ATP6V1H: variants seen among roughly 807,000 people sequenced by gnomAD.
ATP6V1H encodes ATPase H+ transporting V1 subunit H.
In ATP6V1H, 39 loss-of-function variants were observed where a neutral mutation model predicts 71.7. The ratio of observed to expected loss-of-function variants is 0.54; its 90% CI spans 0.42 to 0.71. ATP6V1H has a LOEUF of 0.71. Ranked by LOEUF, ATP6V1H falls within the 30% of genes least tolerant of loss-of-function variation. The pLI is 0.00. For synonymous variants in ATP6V1H, 192 were observed against 199.3 expected (o/e 0.96, Z 0.31); for missense variants, 509 against 594.9 (o/e 0.86, Z 1.50).
chr8:53,757,029 T>C (rs367726010), intron 11 of ATP6V1H, among the ~76,000 whole-genome samples: 37 of 152,246 alleles, frequency 2.4e-4, no homozygotes, highest in African/African-American at 8.4e-4. Context: ...GACAAGTGAC[T>C]TTCAGTGCTC....
At chr8:53,751,826 T>C (rs928165259) in intron 12 of ATP6V1H, among the ~76,000 whole-genome samples, 4 of 152,014 alleles carry the variant, frequency 2.6e-5, no homozygotes, top group Admixed American at 6.6e-5. Flanking sequence ...CATGCCACCA[T>C]GCTTGGCTAA....
Position 53,796,513 on chromosome 8 carries a change from T to TA in ATP6V1H, c.678-675dup, listed in dbSNP as rs10708370. On this transcript the variant is annotated intron_variant, in intron 8 of 13. Transcript: ENST00000359530. Reference sequence around the variant, plus strand: ...AGAATAGAGTTCAGAAATCATCAAATAAAAAAAAAAACAGAAATCATCAAA... The same window carrying TA: ...AGAATAGAGTTCAGAAATCATCAAATAAAAAAAAAAAACAGAAATCATCAAA... Among the ~76,000 whole-genome samples, 368 of 141,958 alleles carry TA rather than the reference T, an allele frequency of 2.6e-3. 3 individuals carry two copies. Among genetic ancestry groups the TA allele is most frequent in the Non-Finnish European group, 4.0e-3 (255 of 63,620 alleles). The allele number at this position is 141,958 out of a possible 152,430, so 93.1% of individuals were successfully genotyped here.
At chr8:53,776,100 C>A (rs1023532158) in intron 9 of ATP6V1H, among the ~76,000 whole-genome samples, 2 of 152,192 alleles carry the variant, frequency 1.3e-5, no homozygotes, top group Non-Finnish European at 2.9e-5. Flanking sequence ...GGGCTGGCAC[C>A]GGTGGGGGAC....
chr8:53,755,526 T>C (rs1807980925), intron 12 of ATP6V1H, among the ~76,000 whole-genome samples: 2 of 149,122 alleles, frequency 1.3e-5, no homozygotes, highest in East Asian at 2.0e-4. Flanking sequence ...GGAGTGGCGA[T>C]TCTTTTCCTA....
chr8:53,717,898 A>T (rs749732489), intron 13 of ATP6V1H, among the ~76,000 whole-genome samples: 19 of 152,210 alleles, frequency 1.2e-4, no homozygotes, highest in Non-Finnish European at 2.2e-4. Context: ...AAACATTTTA[A>T]AAGTGTACTC....
intron 4 of ATP6V1H, among the ~76,000 whole-genome samples, chr8:53,819,083 A>T (rs1183460329): frequency 6.6e-6 from 1 of 151,590 alleles, no homozygotes; most frequent in Non-Finnish European, 1.5e-5. Flanking sequence ...GCACACGCCT[A>T]TGGTCCCAGC....
At chr8:53,809,167 G>C (rs1810190967) in intron 7 of ATP6V1H, among the ~76,000 whole-genome samples, 1 of 152,106 alleles carries the variant, frequency 6.6e-6, no homozygotes, top group Non-Finnish European at 1.5e-5. Flanking sequence ...ATGTTTTTCT[G>C]TTTGGTCTCA....
rs774159034 is a variant in ATP6V1H, at chr8:53,756,556, G to A, written c.1276C>T (p.Arg426Trp). The change falls in exon 12 of 14, where the codon CGG (arginine) becomes TGG (tryptophan). Residue 426 changes from arginine to tryptophan, a missense_variant and splice_region_variant. This residue lies in a region of ATP6V1H where 212 missense variants were observed against 291.6 expected (regional missense o/e 0.73). Coordinates refer to ENST00000359530, the MANE Select transcript of ATP6V1H (RefSeq NM_015941.4). ...ATGAAATGAATGGCTTTCTCTTACC[G>A]TTTGCCTCGTGGATAATGCCGCACA... ...EYVRHYPRGK[R>W]VIEQLGGKQL... 1.7e-5 allele frequency: 28 copies of A among 1,611,060 alleles called. No individual in the cohort carries two copies. Among genetic ancestry groups the A allele is most frequent in the Admixed American group, 1.3e-4 (8 of 59,932 alleles).
chr8:53,765,933 G>T (rs768911851), intron 11 of ATP6V1H, among the ~76,000 whole-genome samples: 6 of 152,188 alleles, frequency 3.9e-5, no homozygotes, highest in African/African-American at 7.2e-5. Context: ...ATTGGTAAAA[G>T]AATAGACAAA....
At chr8:53,819,713 C>CATAT (rs562325063) in intron 4 of ATP6V1H, among the ~76,000 whole-genome samples, 28 of 133,924 alleles carry the variant, frequency 2.1e-4, no homozygotes, top group African/African-American at 7.2e-4. Context: ...TACGTATATA[C>CATAT]ATATACTTTG....
chr8:53,766,088 A>G (rs1211058878), intron 11 of ATP6V1H, among the ~76,000 whole-genome samples: 1 of 152,262 alleles, frequency 6.6e-6, no homozygotes, highest in Non-Finnish European at 1.5e-5. Flanking sequence ...TGAAAAGTTC[A>G]TAATGAGGAA....
intron 2 of ATP6V1H, among the ~76,000 whole-genome samples, chr8:53,834,509 T>G (rs1414373521): frequency 6.6e-6 from 1 of 152,218 alleles, no homozygotes; most frequent in African/African-American, 2.4e-5. Flanking sequence ...CAATGCAACC[T>G]CTGCCTCCTG....
intron 5 of ATP6V1H, among the ~76,000 whole-genome samples, chr8:53,816,440 C>T (rs1376310278): frequency 6.6e-6 from 1 of 152,182 alleles, no homozygotes; most frequent in African/African-American, 2.4e-5. Context: ...TTCTCTCAAC[C>T]CTGCTTTCAG....
chr8:53,824,399 A>G (rs1368552328), intron 4 of ATP6V1H, among the ~76,000 whole-genome samples: 1 of 152,190 alleles, frequency 6.6e-6, no homozygotes. Context: ...TGATACCTAA[A>G]CCAAATGAAG....
intron 12 of ATP6V1H, among the ~76,000 whole-genome samples, chr8:53,751,422 C>G (rs889176120): frequency 2.6e-5 from 4 of 152,202 alleles, no homozygotes; most frequent in African/African-American, 9.6e-5. Flanking sequence ...ATTCACCATG[C>G]TACTGTTGAA....
At chr8:53,778,055 A>G (rs1342471211) in intron 9 of ATP6V1H, among the ~76,000 whole-genome samples, 2 of 152,214 alleles carry the variant, frequency 1.3e-5, no homozygotes, top group Admixed American at 6.5e-5. Flanking sequence ...CTGTAGCATA[A>G]AAGACTACAA....
intron 8 of ATP6V1H, among the ~76,000 whole-genome samples, chr8:53,797,193 T>G (rs1809768917): frequency 6.6e-6 from 1 of 152,200 alleles, no homozygotes; most frequent in Admixed American, 6.5e-5. Flanking sequence ...AAACCACATT[T>G]CTGTTCTACC....
intron 12 of ATP6V1H, among the ~76,000 whole-genome samples, chr8:53,748,711 T>TA (rs1491313695): frequency 6.6e-6 from 1 of 152,196 alleles, no homozygotes; most frequent in Non-Finnish European, 1.5e-5. Context: ...GGGAAAAAAC[T>TA]AAAAAATCAT....
chr8:53,815,192 A>C (rs1166762095), intron 5 of ATP6V1H, among the ~76,000 whole-genome samples: 1 of 152,158 alleles, frequency 6.6e-6, no homozygotes, highest in Non-Finnish European at 1.5e-5. Flanking sequence ...GAGTTTTAAT[A>C]CTTAAAAATC....
Sources: gnomAD v4.1 joint callset for allele counts (sites outside exome capture counted in the v4.1 genomes callset) on GRCh38, gnomAD v4.1.1 for gene constraint, gnomAD v4.1.1 regional missense constraint, MANE v1.5 for transcripts, NCBI Gene and HGNC (gene_info 2026-07-23, HGNC 2026-07-21) for gene names.